STIL: variants seen among roughly 807,000 people sequenced by gnomAD.
STIL encodes the protein SCL-interrupting locus protein.
STIL carries 55 observed loss-of-function variants against 110.1 expected under a neutral mutation model. The ratio of observed to expected loss-of-function variants is 0.50; its 90% CI spans 0.40 to 0.63. The LOEUF (loss-of-function observed/expected upper bound fraction) is 0.63, where lower values mean the gene tolerates loss of function less well. Ranked by LOEUF, STIL falls within the 20% of genes least tolerant of loss-of-function variation. The pLI, the probability that STIL is intolerant of heterozygous loss-of-function variation, is 0.00. For missense variants in STIL, 1,358 were observed against 1,530.0 expected (o/e 0.89, Z 1.87); for synonymous variants, 481 against 530.0 (o/e 0.91, Z 1.27).
intron 16 of STIL, among the ~76,000 whole-genome samples, chr1:47,258,124 A>G (rs1304144577): frequency 6.6e-6 from 1 of 152,210 alleles, no homozygotes; most frequent in East Asian, 1.9e-4. Context: ...ATAGTAAGAA[A>G]CCACAACTAA....
At chr1:47,265,598 T>A (rs541903452) in intron 14 of STIL, among the ~76,000 whole-genome samples, 11 of 151,698 alleles carry the variant, frequency 7.3e-5, no homozygotes, top group African/African-American at 2.7e-4. Context: ...CTGGCCAACA[T>A]GGAGAAACCC....
intron 16 of STIL, among the ~76,000 whole-genome samples, chr1:47,257,461 T>C (rs1248857459): frequency 4.6e-5 from 7 of 152,352 alleles, no homozygotes; most frequent in Admixed American, 1.3e-4. Context: ...ACCATCATAC[T>C]CCAGCCTGGG....
intron 16 of STIL, among the ~76,000 whole-genome samples, chr1:47,254,923 A>G (rs1162114038): frequency 6.6e-6 from 1 of 152,182 alleles, no homozygotes; most frequent in Non-Finnish European, 1.5e-5. Flanking sequence ...TCAAGTTTCA[A>G]TGCCTAACAC....
At chr1:47,253,221 A>G (rs188092633) in intron 16 of STIL, among the ~76,000 whole-genome samples, 5 of 152,306 alleles carry the variant, frequency 3.3e-5, no homozygotes, top group Admixed American at 6.5e-5. Flanking sequence ...GGTATTCTCT[A>G]TGGAATATTT....
Position 47,304,894 on chromosome 1 carries a change from G to A in STIL, c.147C>T (p.Tyr49=). 1.9e-6 allele frequency: 3 copies of A among 1,606,598 alleles called. No homozygotes were observed. The highest frequency in any genetic ancestry group is 2.6e-6 in the Non-Finnish European group (3 of 1,173,238). The change falls in exon 3 of 17, where the codon TAC becomes TAT. Residue 49 remains tyrosine, a synonymous_variant. Transcript: ENST00000371877. ...AAAAAAGAAACATGTTATACCTGTA[G>A]TAACTGAGATGTAAGTAGATGAAAT... is the stretch of plus-strand genomic sequence containing the variant. ...TGDFIYLHLS[Y]YRNPKLVVTE... is the part of the protein sequence containing the mutation.
At chr1:47,276,326 T>C (rs571894700) in intron 12 of STIL, among the ~76,000 whole-genome samples, 18 of 152,048 alleles carry the variant, frequency 1.2e-4, no homozygotes, top group South Asian at 1.0e-3. Context: ...GTATCTAAAC[T>C]GGAATATTCT....
At chr1:47,252,606 G>A (rs1307541283) in intron 16 of STIL, among the ~76,000 whole-genome samples, 1 of 152,072 alleles carries the variant, frequency 6.6e-6, no homozygotes, top group Admixed American at 6.6e-5. Flanking sequence ...CAAGAGATCA[G>A]CTAATGTTTA....
At position 47,280,441 on chromosome 1, in the gene STIL, T is replaced by G; in HGVS notation, c.2017A>C (p.Ser673Arg). The change falls in exon 12 of 17, where the codon AGT becomes CGT. Residue 673 changes from serine (S) to arginine (R), a missense_variant. Ser to Arg is a moderately radical substitution (Grantham distance 110). Coordinates refer to ENST00000371877, the MANE Select transcript of STIL (RefSeq NM_001048166.1). Reference protein sequence around the residue: ...IALRPQGDMGSCSPHSNIEPS... With the variant: ...IALRPQGDMGRCSPHSNIEPS... ...TCAATATTGCTGTGGGGAGAACAACTGCCCATATCTCCCTGAGGTCTCAAG... is the reference window on the plus strand; with the variant it reads ...TCAATATTGCTGTGGGGAGAACAACGGCCCATATCTCCCTGAGGTCTCAAG... 6.2e-7 allele frequency: 1 copy of G among 1,614,220 alleles called. No individual in the cohort carries two copies. Among genetic ancestry groups the G allele is most frequent in the Non-Finnish European group, 8.5e-7 (1 of 1,180,040 alleles).
intron 12 of STIL, among the ~76,000 whole-genome samples, chr1:47,279,859 T>C (rs773399339): frequency 6.6e-6 from 1 of 151,988 alleles, no homozygotes; most frequent in Non-Finnish European, 1.5e-5. Flanking sequence ...ACTATATAGA[T>C]AGGCATTATA....
At chr1:47,314,013 C>G (rs1646217529) in intron 1 of STIL, 23 bp downstream of exon 1, 1 of 152,500 alleles carries the variant, frequency 6.6e-6, no homozygotes. Flanking sequence ...AAGGGGAAAC[C>G]AGGAGCACAA....
chr1:47,261,669 G>A (rs1202195382), intron 15 of STIL, among the ~76,000 whole-genome samples: 1 of 151,818 alleles, frequency 6.6e-6, no homozygotes, highest in Non-Finnish European at 1.5e-5. Flanking sequence ...GAACCTGGGA[G>A]GCAGAAGCTG....
intron 12 of STIL, among the ~76,000 whole-genome samples, chr1:47,278,983 T>C (rs1645068445): frequency 6.6e-6 from 1 of 152,214 alleles, no homozygotes; most frequent in East Asian, 1.9e-4. Context: ...TCCAATTTTA[T>C]AAAACAAAGA....
intron 14 of STIL, among the ~76,000 whole-genome samples, chr1:47,269,007 C>T (rs1372052740): frequency 3.4e-5 from 5 of 146,248 alleles, no homozygotes; most frequent in Non-Finnish European, 7.6e-5. Flanking sequence ...AGGAGAATGG[C>T]GTGAACCCGG....
intron 13 of STIL, 86 bp downstream of exon 13, chr1:47,271,990 C>T (rs1557725209): frequency 6.9e-7 from 1 of 1,443,540 alleles, no homozygotes; most frequent in Non-Finnish European, 9.5e-7. Flanking sequence ...CTGCACCATG[C>T]ACCAATTTGA....
intron 12 of STIL, among the ~76,000 whole-genome samples, chr1:47,279,243 A>G (rs1159184380): frequency 6.7e-6 from 1 of 149,706 alleles, no homozygotes; most frequent in Non-Finnish European, 1.5e-5. Flanking sequence ...AGATCGTGGC[A>G]CTGCACTCCA....
chr1:47,296,458 A>C (rs1645644377), intron 6 of STIL, among the ~76,000 whole-genome samples: 1 of 152,186 alleles, frequency 6.6e-6, no homozygotes, highest in Admixed American at 6.6e-5. Context: ...GAATACAAAA[A>C]ACCAAAGTAG....
At chr1:47,254,798 G>A (rs934669408) in intron 16 of STIL, among the ~76,000 whole-genome samples, 2 of 152,134 alleles carry the variant, frequency 1.3e-5, no homozygotes, top group Non-Finnish European at 2.9e-5. Context: ...GCCTCCCAAA[G>A]TGCTGGGATA....
intron 12 of STIL, among the ~76,000 whole-genome samples, chr1:47,276,744 A>G (rs2821097): frequency 0.9 from 133,400 of 148,604 alleles, 60,110 homozygotes; most frequent in Middle Eastern, 0.96. Flanking sequence ...CGGGGGGCAG[A>G]TAGAGGTTGC....
At chr1:47,288,379 C>T (rs1168632157) in intron 9 of STIL, among the ~76,000 whole-genome samples, 1 of 152,008 alleles carries the variant, frequency 6.6e-6, no homozygotes, top group Admixed American at 6.5e-5. Context: ...TCACTGCAAC[C>T]TCTACCTCCC....
Sources: gnomAD v4.1 joint callset for allele counts (sites outside exome capture counted in the v4.1 genomes callset) on GRCh38, gnomAD v4.1.1 for gene constraint, MANE v1.5 for transcripts, NCBI Gene and HGNC (gene_info 2026-07-23, HGNC 2026-07-21) for gene names.